The following MAPK10 variants were observed in gnomAD, a reference collection of about 807,000 sequenced individuals.
MAPK10 encodes the protein mitogen-activated protein kinase 10, also known as JNK3 alpha protein kinase.
A neutral mutation model predicts 59.3 loss-of-function variants in MAPK10; 25 were observed. The observed-to-expected ratio is 0.42, with a 90% CI of 0.31 to 0.59. The LOEUF (loss-of-function observed/expected upper bound fraction) is 0.59. Among genes scored for constraint, MAPK10 ranks in the 20% least tolerant of loss-of-function variants. The pLI, the probability that MAPK10 is intolerant of heterozygous loss-of-function variation, is 0.15. For missense variants in MAPK10, 351 were observed against 568.9 expected (o/e 0.62, Z 3.90); for synonymous variants, 190 against 200.5 (o/e 0.95, Z 0.44).
At chr4:86,334,215 T>C (rs1357237353) in intron 2 of MAPK10, among the ~76,000 whole-genome samples, 1 of 152,200 alleles carries the variant, frequency 6.6e-6, no homozygotes, top group Non-Finnish European at 1.5e-5. Context: ...GCAAGAATCA[T>C]GCCTGACTGT....
intron 1 of MAPK10, among the ~76,000 whole-genome samples, chr4:86,581,001 G>A (rs943139162): frequency 1.3e-5 from 2 of 152,150 alleles, no homozygotes; most frequent in Admixed American, 6.5e-5. Flanking sequence ...CTACCCTAAT[G>A]CCACAGGAGA....
At chr4:86,031,526 G>A (rs367813328) in intron 11 of MAPK10, 95 bp from the exon 12 acceptor site, 42 of 856,050 alleles carry the variant, frequency 4.9e-5, no homozygotes, top group African/African-American at 4.5e-4. Flanking sequence ...CATTTATTTC[G>A]GTGATTTCAA....
rs182701260 is a variant in MAPK10 at position 86,250,187 on chromosome 4, T to A, written c.-6-55780A>T. Among the ~76,000 whole-genome samples the A allele has an allele frequency of 2.0e-4, 30 of 152,318 alleles. No individual in the cohort carries two copies. In the East Asian group the frequency reaches 5.8e-3, roughly 29 times the overall value. On this transcript the variant is annotated intron_variant, in intron 2 of 13. Transcript: ENST00000641462. ...CGATCTTTACAAACTTTTCAGGAAG[T>A]TTATGACATCCAAGGAGCTATGATC...
intron 3 of MAPK10, among the ~76,000 whole-genome samples, chr4:86,160,085 C>T (rs558523771): frequency 6.6e-6 from 1 of 151,974 alleles, no homozygotes; most frequent in East Asian, 1.9e-4. Context: ...TTCTAAAATA[C>T]CATATGACAC....
intron 2 of MAPK10, among the ~76,000 whole-genome samples, chr4:86,345,197 T>C (rs1233655220): frequency 6.6e-6 from 1 of 152,202 alleles, no homozygotes; most frequent in Non-Finnish European, 1.5e-5. Context: ...CTTCCCCTCG[T>C]AGCTGCTTTG....
chr4:86,121,107 G>T (rs916232675), intron 4 of MAPK10, among the ~76,000 whole-genome samples: 9 of 152,130 alleles, frequency 5.9e-5, no homozygotes, highest in Admixed American at 5.2e-4. Flanking sequence ...TTGTAAGAAG[G>T]CTGTGCCTAC....
At chr4:86,503,377 A>G (rs1755471717) in intron 1 of MAPK10, among the ~76,000 whole-genome samples, 1 of 152,054 alleles carries the variant, frequency 6.6e-6, no homozygotes, top group South Asian at 2.1e-4. Context: ...TACCTAAAAT[A>G]TCTCTCTATC....
At chr4:86,459,412 T>C (rs1293607928) in intron 1 of MAPK10, among the ~76,000 whole-genome samples, 1 of 152,162 alleles carries the variant, frequency 6.6e-6, no homozygotes, top group Non-Finnish European at 1.5e-5. Context: ...TGGGTATCTC[T>C]CCAGAGGAAA....
intron 1 of MAPK10, among the ~76,000 whole-genome samples, chr4:86,403,358 T>C (rs182656921): frequency 2.8e-4 from 43 of 152,004 alleles, no homozygotes; most frequent in Admixed American, 7.9e-4. Flanking sequence ...CTACTAAAAA[T>C]ACAAAAAATT....
intron 4 of MAPK10, among the ~76,000 whole-genome samples, chr4:86,158,194 T>G (rs1026272684): frequency 3.4e-5 from 5 of 146,314 alleles, no homozygotes; most frequent in Admixed American, 2.0e-4. Flanking sequence ...ATTTTAAACC[T>G]CTTTTTTTTT....
chr4:86,528,289 T>C (rs576408063), intron 1 of MAPK10, among the ~76,000 whole-genome samples: 85 of 152,140 alleles, frequency 5.6e-4, no homozygotes, highest in African/African-American at 1.9e-3. Flanking sequence ...AGAACTGATA[T>C]AGAACTAGAT....
intron 1 of MAPK10, among the ~76,000 whole-genome samples, chr4:86,555,371 A>G (rs1447215498): frequency 2.0e-5 from 3 of 152,112 alleles, no homozygotes; most frequent in Admixed American, 2.0e-4. Context: ...GCTTGAACCT[A>G]GGAGGCGGAG....
chr4:86,309,962 A>T (rs2095638598), intron 2 of MAPK10, among the ~76,000 whole-genome samples: 1 of 152,178 alleles, frequency 6.6e-6, no homozygotes, highest in African/African-American at 2.4e-5. Flanking sequence ...CAAGCTGGAA[A>T]CTGCTTAAGG....
intron 2 of MAPK10, among the ~76,000 whole-genome samples, chr4:86,209,214 A>G (rs1425388537): frequency 6.6e-6 from 1 of 152,168 alleles, no homozygotes; most frequent in Non-Finnish European, 1.5e-5. Flanking sequence ...CAAGACTTGA[A>G]GTGAATAAAC....
intron 4 of MAPK10, among the ~76,000 whole-genome samples, chr4:86,112,608 T>C (rs1239505946): frequency 6.6e-6 from 1 of 152,194 alleles, no homozygotes; most frequent in Non-Finnish European, 1.5e-5. Context: ...TTATTTTGCA[T>C]TTGGTGAGGA....
At chr4:86,446,567 T>C (rs1750069243) in intron 1 of MAPK10, among the ~76,000 whole-genome samples, 1 of 152,130 alleles carries the variant, frequency 6.6e-6, no homozygotes, top group African/African-American at 2.4e-5. Flanking sequence ...TTCATGTGCT[T>C]GTCTCCCTGA....
intron 2 of MAPK10, among the ~76,000 whole-genome samples, chr4:86,288,087 A>G (rs1266472314): frequency 6.6e-6 from 1 of 152,178 alleles, no homozygotes; most frequent in African/African-American, 2.4e-5. Context: ...CACCTGCGAA[A>G]ATAGCACCAC....
chr4:86,193,389 T>C (rs888653437), intron 3 of MAPK10: 14 of 152,206 alleles, frequency 9.2e-5, no homozygotes, highest in African/African-American at 3.4e-4. Context: ...CCCAGGGAGA[T>C]AGGAGTTTCA....
intron 1 of MAPK10, among the ~76,000 whole-genome samples, chr4:86,375,595 G>C (rs1052872608): frequency 1.3e-5 from 2 of 151,120 alleles, no homozygotes; most frequent in African/African-American, 4.9e-5. Flanking sequence ...TGCACCTGTG[G>C]TCCCAGCTAC....
Sources: allele counts gnomAD v4.1 joint callset (sites outside exome capture counted in the v4.1 genomes callset), GRCh38; gene constraint gnomAD v4.1.1; transcripts MANE v1.5; gene names NCBI Gene and HGNC (gene_info 2026-07-23, HGNC 2026-07-21).